KANK1: variants seen among roughly 807,000 people sequenced by gnomAD.
KANK1 encodes KN motif and ankyrin repeat domain-containing protein 1.
Under a neutral mutation model 106.2 loss-of-function variants are expected in KANK1, and 109 were observed. The ratio of observed to expected loss-of-function variants is 1.03; its 90% CI spans 0.88 to 1.20. The LOEUF (loss-of-function observed/expected upper bound fraction) is 1.20. Among genes scored for constraint, KANK1 ranks in the 50% most tolerant of loss-of-function variants. The pLI is 0.00. For synonymous variants in KANK1, 873 were observed against 652.2 expected (o/e 1.34, Z -5.16); for missense variants, 2,399 against 1,710.7 (o/e 1.40, Z -7.10).
chr9:504,133 C>T (rs200229331), upstream of KANK1, among the ~76,000 whole-genome samples: 186 of 152,204 alleles, frequency 1.2e-3, 1 homozygote, highest in African/African-American at 4.3e-3. Context: ...GGTACAGAGG[C>T]GCTGGGGGAG....
chr9:693,586 C>T, intron 2 of KANK1: 1 of 985,310 alleles, frequency 1.0e-6, no homozygotes, highest in Non-Finnish European at 1.2e-6. Context: ...CTCACTGACG[C>T]CAAGAGTCCT....
chr9:660,830 G>A (rs1438843959), intron 1 of KANK1, among the ~76,000 whole-genome samples: 2 of 152,204 alleles, frequency 1.3e-5, no homozygotes, highest in African/African-American at 2.4e-5. Flanking sequence ...CAGAGTTTTA[G>A]AGAGGCCCCC....
chr9:506,449 G>T (rs1263152543), intron 1 of KANK1, among the ~76,000 whole-genome samples: 1 of 152,154 alleles, frequency 6.6e-6, no homozygotes. Flanking sequence ...AGGGCACAGG[G>T]ATGCTTTCTG....
At chr9:636,839 A>T (rs1320143000) in intron 1 of KANK1, among the ~76,000 whole-genome samples, 1 of 152,224 alleles carries the variant, frequency 6.6e-6, no homozygotes, top group Non-Finnish European at 1.5e-5. Context: ...GACTCCAGCC[A>T]GGCGACAGCG....
At chr9:688,339 C>A (rs1588921925) in intron 2 of KANK1, among the ~76,000 whole-genome samples, 1 of 152,210 alleles carries the variant, frequency 6.6e-6, no homozygotes, top group East Asian at 1.9e-4. Context: ...GGTGTGGTGG[C>A]TCATGCTTGT....
intron 7 of KANK1, among the ~76,000 whole-genome samples, chr9:737,750 A>G: frequency 6.6e-6 from 1 of 152,218 alleles, no homozygotes; most frequent in Non-Finnish European, 1.5e-5. Context: ...TGAGGAGTTG[A>G]AGGAGGTGAG....
At position 713,526 on chromosome 9, in the gene KANK1, C is replaced by G. The variant is rs138122303; in HGVS notation, c.2698+62C>G. 26 of 1,494,560 alleles carry G rather than the reference C, an allele frequency of 1.7e-5. No individual in the cohort carries two copies. The East Asian group carries it at 5.3e-4, about 30-fold the overall frequency. The allele number at this position is 1,494,560 out of a possible 1,614,324, so 92.6% of individuals were successfully genotyped here. A position where few individuals can be genotyped will look rare whatever the true frequency, so the allele number is the denominator to read the frequency against. On this transcript the variant is annotated intron_variant, in intron 3 of 11. Coordinates refer to ENST00000382297, the MANE Select transcript of KANK1 (RefSeq NM_015158.5). ...ATGGGGGAAAATGTCTTTCCAGAAG[C>G]TAAGGATTATTTTTTAACTGCTGGA... is the stretch of plus-strand genomic sequence containing the variant.
chr9:576,574 G>A (rs117633431), intron 1 of KANK1, among the ~76,000 whole-genome samples: 18 of 152,258 alleles, frequency 1.2e-4, no homozygotes, highest in East Asian at 3.9e-4. Context: ...AGGCTCAGAC[G>A]TTTGCTTCGA....
At chr9:703,532 TG>T (rs1326407613) in intron 2 of KANK1, among the ~76,000 whole-genome samples, 1 of 152,136 alleles carries the variant, frequency 6.6e-6, no homozygotes, top group African/African-American at 2.4e-5. Flanking sequence ...AAAAAATTTT[TG>T]TAAACACCAG....
At chr9:572,952 C>G (rs1028346485) in intron 1 of KANK1, among the ~76,000 whole-genome samples, 4 of 152,164 alleles carry the variant, frequency 2.6e-5, no homozygotes, top group African/African-American at 2.4e-5. Context: ...ACTATTATCA[C>G]AATGTATGTC....
rs10491591 is a variant in KANK1, at chr9:731,332, A to G, written c.3005+66A>G. On this transcript the variant is annotated intron_variant, in intron 5 of 11. Coordinates refer to ENST00000382297, the MANE Select transcript of KANK1 (RefSeq NM_015158.5). ...CTCCTTTACCTCCTGCCTAAGTCAC[A>G]TTTCAAGGCGCCTAGTCGGGGAAGC... 0.15 allele frequency: 143,866 copies of G among 930,966 alleles called. 12,486 individuals are homozygous for G. Among genetic ancestry groups the G allele is most frequent in the Admixed American group, 0.2 (9,455 of 46,206 alleles). 57.7% of individuals were successfully genotyped at this position (930,966 alleles called of 1,614,324 possible).
chr9:673,752 A>T (rs935001984), intron 1 of KANK1: 3 of 151,860 alleles, frequency 2.0e-5, no homozygotes, highest in African/African-American at 7.3e-5. Context: ...CACATACTTC[A>T]TTCACCCCTA....
intron 1 of KANK1, among the ~76,000 whole-genome samples, chr9:552,926 C>T (rs886713958): frequency 4.6e-5 from 7 of 152,194 alleles, no homozygotes; most frequent in Non-Finnish European, 8.8e-5. Context: ...AAGAGGATAG[C>T]TTGAGCCCAG....
chr9:481,743 T>C (rs2058208708), intron 3 of KANK1, among the ~76,000 whole-genome samples: 1 of 151,956 alleles, frequency 6.6e-6, no homozygotes, highest in African/African-American at 2.4e-5. Context: ...CACCTCGATC[T>C]CTACTCGGGA....
intron 1 of KANK1, among the ~76,000 whole-genome samples, chr9:622,438 G>A (rs1833365162): frequency 6.6e-6 from 1 of 152,126 alleles, no homozygotes; most frequent in South Asian, 2.1e-4. Flanking sequence ...GATCTAGTAC[G>A]TACCTGGAGG....
At chr9:582,845 G>A in intron 1 of KANK1, among the ~76,000 whole-genome samples, 1 of 152,206 alleles carries the variant, frequency 6.6e-6, no homozygotes, top group Non-Finnish European at 1.5e-5. Flanking sequence ...CGTGGGTTCA[G>A]ATGTACACTG....
At chr9:574,200 C>G (rs1233890313) in intron 1 of KANK1, among the ~76,000 whole-genome samples, 1 of 152,258 alleles carries the variant, frequency 6.6e-6, no homozygotes, top group Non-Finnish European at 1.5e-5. Context: ...GGCCGAAGCT[C>G]TGTACCTGTA....
chr9:484,851 T>C (rs1319993059), intron 3 of KANK1, among the ~76,000 whole-genome samples: 1 of 151,948 alleles, frequency 6.6e-6, no homozygotes, highest in African/African-American at 2.4e-5. Flanking sequence ...TTACTCTCAG[T>C]GTTTCCAAGA....
At chr9:583,957 G>C (rs1174252384) in intron 1 of KANK1, among the ~76,000 whole-genome samples, 1 of 152,066 alleles carries the variant, frequency 6.6e-6, no homozygotes, top group East Asian at 1.9e-4. Flanking sequence ...GGGGTGTGGA[G>C]GAGTGGGTAT....
Sources: gnomAD v4.1 joint callset for allele counts (sites outside exome capture counted in the v4.1 genomes callset) on GRCh38, gnomAD v4.1.1 for gene constraint, MANE v1.5 for transcripts, NCBI Gene and HGNC (gene_info 2026-07-23, HGNC 2026-07-21) for gene names.